Variants in CAMK2D observed in about 807,000 individuals in gnomAD.
CAMK2D encodes calcium/calmodulin-dependent protein kinase type II subunit delta.
A neutral mutation model predicts 84.0 loss-of-function variants in CAMK2D; 37 were observed. The observed-to-expected ratio is 0.44, with a 90% CI of 0.34 to 0.58. CAMK2D has a LOEUF of 0.58. Among genes scored for constraint, CAMK2D ranks in the 20% least tolerant of loss-of-function variants. The pLI, the probability that CAMK2D is intolerant of heterozygous loss-of-function variation, is 0.02. For synonymous variants in CAMK2D, 202 were observed against 212.5 expected, an observed-to-expected ratio of 0.95 and a Z score of 0.43; for missense variants, 448 against 652.5, an observed-to-expected ratio of 0.69 and a Z score of 3.41.
At chr4:113,488,953 A>G (rs2097792305) in intron 16 of CAMK2D, among the ~76,000 whole-genome samples, 1 of 152,180 alleles carries the variant, frequency 6.6e-6, no homozygotes, top group African/African-American at 2.4e-5. Flanking sequence ...ATAACTTGGC[A>G]GGACTCAAGC....
intron 4 of CAMK2D, among the ~76,000 whole-genome samples, chr4:113,576,591 G>A (rs936671970): frequency 2.6e-5 from 4 of 151,438 alleles, no homozygotes; most frequent in Non-Finnish European, 2.9e-5. Flanking sequence ...AAACAAACTC[G>A]TATGATTATT....
At chr4:113,570,841 T>C (rs1222981216) in intron 4 of CAMK2D, among the ~76,000 whole-genome samples, 1 of 151,794 alleles carries the variant, frequency 6.6e-6, no homozygotes, top group African/African-American at 2.4e-5. Context: ...AAGGAAACAA[T>C]CAACAGAGTG....
At position 113,728,563 on chromosome 4, in the gene CAMK2D, G is replaced by GA. The variant is rs537931774; in HGVS notation, c.160+30756dup. ...TAGCTACATATGTGTATGCAACTGT[G>GA]AAAATCCACTGAATACATTTAAGAT... is the stretch of plus-strand genomic sequence containing the variant. On this transcript the variant is annotated intron_variant, in intron 2 of 20. Transcript: ENST00000511664. Among the ~76,000 whole-genome samples, 4 of 152,256 alleles carry GA rather than the reference G, an allele frequency of 2.6e-5. No homozygotes were observed. The South Asian group carries it at 8.3e-4, about 31-fold the overall frequency.
rs79007585 is a variant in CAMK2D, at chr4:113,712,018, C to T, written c.160+47302G>A. ...GTGAAGGCCCTTGTCTAAACACCTA[C>T]CCCCACCCACCACTCCAATGAACAA... On this transcript the variant is annotated intron_variant, in intron 2 of 20. Coordinates refer to ENST00000511664, the MANE Select transcript of CAMK2D (RefSeq NM_001321571.2). Among the ~76,000 whole-genome samples the T allele has an allele frequency of 7.5e-3, 1,138 of 152,202 alleles. 15 individuals carry two copies. The highest frequency in any genetic ancestry group is 0.026 in the African/African-American group (1,063 of 41,542).
chr4:113,697,649 GTCTT>G (rs2099406715), intron 2 of CAMK2D, among the ~76,000 whole-genome samples: 1 of 152,018 alleles, frequency 6.6e-6, no homozygotes, highest in African/African-American at 2.4e-5. Context: ...ATGAGAAGGA[GTCTT>G]TCTTACTATA....
chr4:113,736,215 C>A (rs1170862328), intron 2 of CAMK2D, among the ~76,000 whole-genome samples: 3 of 150,790 alleles, frequency 2.0e-5, no homozygotes, highest in African/African-American at 7.3e-5. Flanking sequence ...AAAATCAGAT[C>A]TTCCAAGACA....
intron 3 of CAMK2D, among the ~76,000 whole-genome samples, chr4:113,652,642 T>A (rs2099179247): frequency 6.6e-6 from 1 of 152,132 alleles, no homozygotes; most frequent in South Asian, 2.1e-4. Flanking sequence ...TTGGGATTAT[T>A]TTTCTTTCAA....
At chr4:113,594,416 G>A (rs1173362419) in intron 4 of CAMK2D, among the ~76,000 whole-genome samples, 1 of 152,192 alleles carries the variant, frequency 6.6e-6, no homozygotes, top group African/African-American at 2.4e-5. Flanking sequence ...TGAAGAGACT[G>A]AAAAAGTTTC....
intron 2 of CAMK2D, among the ~76,000 whole-genome samples, chr4:113,681,883 C>G (rs1045967925): frequency 6.6e-6 from 1 of 151,920 alleles, no homozygotes; most frequent in Admixed American, 6.6e-5. Context: ...AAAAAACAGC[C>G]TTTTCCAGTT....
chr4:113,733,035 CTTTAA>C (rs2099572836), intron 2 of CAMK2D, among the ~76,000 whole-genome samples: 1 of 152,084 alleles, frequency 6.6e-6, no homozygotes, highest in Non-Finnish European at 1.5e-5. Context: ...CATAGGACAG[CTTTAA>C]CAAAAAGTTG....
chr4:113,522,615 C>A (rs955059901), intron 8 of CAMK2D, among the ~76,000 whole-genome samples: 1 of 152,100 alleles, frequency 6.6e-6, no homozygotes, highest in Non-Finnish European at 1.5e-5. Flanking sequence ...AAGGCCTGCA[C>A]CTGTACTGTG....
intron 2 of CAMK2D, among the ~76,000 whole-genome samples, chr4:113,666,262 T>C (rs2099256726): frequency 6.6e-6 from 1 of 152,166 alleles, no homozygotes; most frequent in Non-Finnish European, 1.5e-5. Flanking sequence ...AAGTACTTAT[T>C]TACTCCTCCA....
At chr4:113,632,801 A>T (rs2099095347) in intron 3 of CAMK2D, among the ~76,000 whole-genome samples, 1 of 152,216 alleles carries the variant, frequency 6.6e-6, no homozygotes, top group Non-Finnish European at 1.5e-5. Flanking sequence ...AGGGAGAAAC[A>T]GAACAGAATG....
chr4:113,615,163 T>C (rs1233869799), intron 3 of CAMK2D, among the ~76,000 whole-genome samples: 2 of 152,120 alleles, frequency 1.3e-5, no homozygotes, highest in Admixed American at 6.6e-5. Flanking sequence ...AGTAGTTAAT[T>C]ATAATTCATA....
intron 2 of CAMK2D, among the ~76,000 whole-genome samples, chr4:113,667,947 C>T (rs2099264017): frequency 6.6e-6 from 1 of 151,964 alleles, no homozygotes; most frequent in South Asian, 2.1e-4. Context: ...ATTCCTACAT[C>T]TTAATTTTGA....
At chr4:113,652,839 A>G (rs1561614400) in intron 3 of CAMK2D, among the ~76,000 whole-genome samples, 2 of 152,154 alleles carry the variant, frequency 1.3e-5, no homozygotes, top group Non-Finnish European at 2.9e-5. Context: ...TCTATGTACT[A>G]TAAGTAACTC....
At chr4:113,616,478 C>T (rs923283902) in intron 3 of CAMK2D, among the ~76,000 whole-genome samples, 1 of 152,092 alleles carries the variant, frequency 6.6e-6, no homozygotes, top group Non-Finnish European at 1.5e-5. Context: ...ATCATTATGC[C>T]TTTTATAAGC....
chr4:113,717,110 A>C (rs1230507500), intron 2 of CAMK2D, among the ~76,000 whole-genome samples: 1 of 152,190 alleles, frequency 6.6e-6, no homozygotes, highest in Non-Finnish European at 1.5e-5. Context: ...TAAATAAGCC[A>C]CTGGGATATG....
rs1411883583 is a variant in CAMK2D, at chr4:113,759,321, C to T, written c.159G>A (p.Arg53=). 5.0e-6 allele frequency: 8 copies of T among 1,598,338 alleles called. No homozygotes were observed. In the African/African-American group the frequency reaches 8.1e-5, roughly 16 times the overall value. The change falls in exon 2 of 21, where the codon AGG becomes AGA. Residue 53 remains arginine (R), a splice_region_variant and synonymous_variant. Coordinates refer to ENST00000511664, the MANE Select transcript of CAMK2D (RefSeq NM_001321571.2). The stretch of plus-strand genomic sequence containing the variant: ...ATATATGTGGTTGAAAATACCCACC[C>T]CTAGCAGAAAGCTTTTTGGTGTTGA... ...KIINTKKLSA[R]DHQKLEREAR...
Sources: gnomAD v4.1 joint callset for allele counts (sites outside exome capture counted in the v4.1 genomes callset) on GRCh38, gnomAD v4.1.1 for gene constraint, MANE v1.5 for transcripts, NCBI Gene and HGNC (gene_info 2026-07-23, HGNC 2026-07-21) for gene names.